Variants in GABRB1 observed in about 807,000 individuals in gnomAD.
GABRB1 encodes the protein gamma-aminobutyric acid receptor subunit beta-1.
In GABRB1, 17 loss-of-function variants were observed where a neutral mutation model predicts 51.6. The observed-to-expected ratio is 0.33, with a 90% confidence interval of 0.23 to 0.49. GABRB1 has a LOEUF of 0.49. GABRB1 is among the 20% of genes least tolerant of loss of function. The probability of loss-of-function intolerance (pLI) is 0.99; values close to 1 mark genes in which losing one functional copy is unlikely to be tolerated. For synonymous variants in GABRB1, 247 were observed against 218.9 expected (o/e 1.13, Z -1.14); for missense variants, 410 against 600.6 (o/e 0.68, Z 3.32).
chr4:47,359,506 G>C (rs746781037), intron 5 of GABRB1, among the ~76,000 whole-genome samples: 10 of 152,008 alleles, frequency 6.6e-5, no homozygotes, highest in Non-Finnish European at 1.2e-4. Context: ...TAATCATAGA[G>C]AGTACTTTTG....
intron 3 of GABRB1, among the ~76,000 whole-genome samples, chr4:47,096,857 C>T (rs1466833611): frequency 1.3e-5 from 2 of 152,172 alleles, no homozygotes; most frequent in Non-Finnish European, 2.9e-5. Flanking sequence ...AGATTCTCCC[C>T]TAGAGCCTCC....
chr4:47,290,075 G>A (rs1450972767), intron 4 of GABRB1, among the ~76,000 whole-genome samples: 1 of 152,204 alleles, frequency 6.6e-6, no homozygotes, highest in East Asian at 1.9e-4. Flanking sequence ...GTGGGGATAG[G>A]ATGGAAACTT....
intron 3 of GABRB1, among the ~76,000 whole-genome samples, chr4:47,080,832 G>T (rs1047044278): frequency 2.6e-5 from 4 of 152,162 alleles, no homozygotes; most frequent in Non-Finnish European, 5.9e-5. Context: ...GGAGCTTTAT[G>T]GCCCATCTCT....
chr4:47,002,848 T>G (rs547572577), intron 1 of GABRB1, among the ~76,000 whole-genome samples: 5 of 152,226 alleles, frequency 3.3e-5, no homozygotes, highest in African/African-American at 1.2e-4. Flanking sequence ...ACCATAATTT[T>G]AAGAGAGAGT....
intron 4 of GABRB1, among the ~76,000 whole-genome samples, chr4:47,248,727 G>T (rs1306925970): frequency 6.6e-6 from 1 of 151,730 alleles, no homozygotes; most frequent in East Asian, 1.9e-4. Context: ...TCCCTGATTT[G>T]AGCTAGGATG....
At chr4:47,001,133 A>C (rs1724164863) in intron 1 of GABRB1, among the ~76,000 whole-genome samples, 1 of 151,754 alleles carries the variant, frequency 6.6e-6, no homozygotes, top group African/African-American at 2.4e-5. Context: ...ATTTAATTTT[A>C]GTTTTTTATG....
At chr4:47,032,679 G>A (rs757128687) in intron 3 of GABRB1, 195 bp downstream of exon 3, 1 of 717,038 alleles carries the variant, frequency 1.4e-6, no homozygotes, top group Non-Finnish European at 2.6e-6. Context: ...GGCTACTGCG[G>A]TGTTCCAGGG....
At chr4:47,093,269 A>G (rs894505087) in intron 3 of GABRB1, among the ~76,000 whole-genome samples, 1 of 152,200 alleles carries the variant, frequency 6.6e-6, no homozygotes, top group Admixed American at 6.5e-5. Flanking sequence ...CAGTTCCTCA[A>G]CCAAAATCCC....
intron 4 of GABRB1, among the ~76,000 whole-genome samples, chr4:47,299,451 A>G (rs532902452): frequency 0.014 from 2,131 of 152,324 alleles, 13 homozygotes; most frequent in Non-Finnish European, 0.023. Context: ...ACACTTCTCA[A>G]AAGAAGACAT....
intron 1 of GABRB1, among the ~76,000 whole-genome samples, chr4:46,995,418 G>A (rs1392960572): frequency 6.6e-6 from 1 of 152,138 alleles, no homozygotes; most frequent in African/African-American, 2.4e-5. Flanking sequence ...GGAGAGCAGT[G>A]GTACCATCAT....
At chr4:47,417,790 T>C (rs763629483) in intron 8 of GABRB1, among the ~76,000 whole-genome samples, 48 of 152,212 alleles carry the variant, frequency 3.2e-4, no homozygotes, top group Non-Finnish European at 4.9e-4. Flanking sequence ...ACTCACTGTT[T>C]GCAAAGTAGA....
chr4:47,259,211 C>A (rs2109874925), intron 4 of GABRB1, among the ~76,000 whole-genome samples: 1 of 152,216 alleles, frequency 6.6e-6, no homozygotes, highest in South Asian at 2.1e-4. Flanking sequence ...CCAGCCTTCA[C>A]ATTGTGCAGA....
intron 1 of GABRB1, among the ~76,000 whole-genome samples, chr4:47,021,064 T>C (rs915027533): frequency 6.6e-6 from 1 of 152,144 alleles, no homozygotes; most frequent in Non-Finnish European, 1.5e-5. Context: ...CACCTTTTTA[T>C]ACAGGTCTTC....
chr4:47,085,241 T>C (rs1728009870), intron 3 of GABRB1, among the ~76,000 whole-genome samples: 1 of 152,218 alleles, frequency 6.6e-6, no homozygotes, highest in African/African-American at 2.4e-5. Flanking sequence ...AGCACACCTT[T>C]GAGAAAAGTT....
chr4:47,212,469 G>A (rs1344882496), intron 4 of GABRB1, among the ~76,000 whole-genome samples: 1 of 152,154 alleles, frequency 6.6e-6, no homozygotes, highest in Non-Finnish European at 1.5e-5. Flanking sequence ...CTGCGGTCAG[G>A]AGTGATACCA....
intron 3 of GABRB1, among the ~76,000 whole-genome samples, chr4:47,047,307 A>C (rs1339110523): frequency 6.6e-6 from 1 of 152,178 alleles, no homozygotes; most frequent in Non-Finnish European, 1.5e-5. Flanking sequence ...GATAACAGAA[A>C]TTAAACACAT....
intron 4 of GABRB1, among the ~76,000 whole-genome samples, chr4:47,162,083 A>G (rs1481967698): frequency 6.6e-6 from 1 of 151,932 alleles, no homozygotes; most frequent in Non-Finnish European, 1.5e-5. Context: ...AAATTTTTTC[A>G]CTCTTTCTGT....
At chr4:47,269,282 C>T (rs929733639) in intron 4 of GABRB1, among the ~76,000 whole-genome samples, 3 of 152,118 alleles carry the variant, frequency 2.0e-5, no homozygotes, top group Non-Finnish European at 4.4e-5. Flanking sequence ...CCCTTTCTGC[C>T]CCATTGAAAC....
At chr4:47,041,809 T>C (rs1004682250) in intron 3 of GABRB1, among the ~76,000 whole-genome samples, 2 of 152,120 alleles carry the variant, frequency 1.3e-5, no homozygotes, top group African/African-American at 4.8e-5. Context: ...CACCTGTGTC[T>C]AGAACATTTT....
Sources: allele counts gnomAD v4.1 joint callset (sites outside exome capture counted in the v4.1 genomes callset), GRCh38; gene constraint gnomAD v4.1.1; transcripts MANE v1.5; gene names NCBI Gene and HGNC (gene_info 2026-07-23, HGNC 2026-07-21).